USP13: variants seen among roughly 807,000 people sequenced by gnomAD.
USP13 encodes the protein ubiquitin specific peptidase 13, also known as ubiquitin carboxyl-terminal hydrolase 13.
A neutral mutation model predicts 107.8 loss-of-function variants in USP13; 68 were observed. That is an observed-to-expected ratio of 0.63 (90% CI 0.52 to 0.77). The LOEUF is 0.77. Ranked by LOEUF, USP13 falls within the 30% of genes least tolerant of loss-of-function variation. The probability of loss-of-function intolerance (pLI) is 0.00; values close to 1 mark genes in which losing one functional copy is unlikely to be tolerated. For synonymous variants in USP13, 377 were observed against 389.5 expected (o/e 0.97, Z 0.38); for missense variants, 945 against 1,093.3 (o/e 0.86, Z 1.91).
chr3:179,672,258 A>T (rs564189280), intron 1 of USP13, among the ~76,000 whole-genome samples: 3 of 152,236 alleles, frequency 2.0e-5, no homozygotes, highest in African/African-American at 7.2e-5. Flanking sequence ...TGAATAGTAC[A>T]TAGAGGGATA....
At chr3:179,657,634 C>G (rs753679329) in intron 1 of USP13, among the ~76,000 whole-genome samples, 4 of 150,922 alleles carry the variant, frequency 2.7e-5, no homozygotes, top group Non-Finnish European at 3.0e-5. Context: ...TGTGGTGGCA[C>G]GCACCTGTAG....
chr3:179,734,451 G>A (rs1022816120), intron 10 of USP13, among the ~76,000 whole-genome samples: 4 of 152,140 alleles, frequency 2.6e-5, no homozygotes, highest in African/African-American at 9.7e-5. Context: ...TGAATAAGCT[G>A]CATTTCTTAA....
At chr3:179,675,548 A>G (rs889634726) in intron 1 of USP13, among the ~76,000 whole-genome samples, 8 of 150,120 alleles carry the variant, frequency 5.3e-5, no homozygotes, top group African/African-American at 2.0e-4. Flanking sequence ...TATTATTATT[A>G]TTATTATTAT....
Position 179,687,558 on chromosome 3 carries a change from C to T in USP13, c.295-2683C>T, listed in dbSNP as rs1340332077. 2.7e-5 allele frequency among the ~76,000 whole-genome samples: 4 copies of T among 149,012 alleles called. No homozygotes were observed. The East Asian group carries it at 8.1e-4, about 30-fold the overall frequency. ...CCTGTAGTCCCAGCTACTCGGGAGGCTGGCGCAGGAGAATCGCTTGGACCT... is the reference window on the plus strand; with the variant it reads ...CCTGTAGTCCCAGCTACTCGGGAGGTTGGCGCAGGAGAATCGCTTGGACCT... On this transcript the variant is annotated intron_variant, in intron 2 of 20. Coordinates refer to ENST00000263966, the MANE Select transcript of USP13 (RefSeq NM_003940.3).
rs531551383 is a variant in USP13 at position 179,773,425 on chromosome 3, A to G, written c.2413+7577A>G. Among the ~76,000 whole-genome samples the G allele has an allele frequency of 1.3e-3, 192 of 152,338 alleles. 1 individual carries two copies. The highest frequency in any genetic ancestry group is 4.4e-3 in the African/African-American group (184 of 41,566). ...TGAGCACTCTCTGTAGACTAACTAA[A>G]TAATGCGTCATGCCCTGATGAGATA... On this transcript the variant is annotated intron_variant, in intron 19 of 20. Coordinates refer to ENST00000263966, the MANE Select transcript of USP13 (RefSeq NM_003940.3).
intron 8 of USP13, among the ~76,000 whole-genome samples, chr3:179,727,772 G>A (rs1464863770): frequency 1.3e-5 from 1 of 75,524 alleles, no homozygotes; most frequent in Non-Finnish European, 2.9e-5. Context: ...CCTCCCGGAC[G>A]GGGCGGCTGG....
At chr3:179,752,156 A>G (rs1714635144) in intron 13 of USP13, 129 bp from the exon 14 acceptor site, 1 of 729,904 alleles carries the variant, frequency 1.4e-6, no homozygotes, top group African/African-American at 1.8e-5. Context: ...CTGTGTTTGC[A>G]TGTTCCTCCT....
At chr3:179,680,960 C>G (rs1711633411) in intron 1 of USP13, among the ~76,000 whole-genome samples, 1 of 98,114 alleles carries the variant, frequency 1.0e-5, no homozygotes, top group African/African-American at 3.7e-5. Context: ...CATTCCTCAC[C>G]AATGAATGAG....
chr3:179,744,478 C>A (rs1264171361), intron 12 of USP13, among the ~76,000 whole-genome samples: 1 of 152,076 alleles, frequency 6.6e-6, no homozygotes, highest in Non-Finnish European at 1.5e-5. Context: ...TCCCCTTACA[C>A]AATGTAACAT....
intron 19 of USP13, among the ~76,000 whole-genome samples, chr3:179,779,669 G>T (rs970982718): frequency 6.7e-6 from 1 of 148,984 alleles, no homozygotes; most frequent in African/African-American, 2.5e-5. Flanking sequence ...TAGCAGAGCA[G>T]CTCCCTTGCT....
At chr3:179,701,272 A>C (rs959253783) in intron 4 of USP13, 143 bp downstream of exon 4, 10 of 1,103,186 alleles carry the variant, frequency 9.1e-6, no homozygotes, top group African/African-American at 4.7e-5. Context: ...GAGCATGAAC[A>C]CGCACATACC....
At chr3:179,676,687 AT>A (rs746102575) in intron 1 of USP13, among the ~76,000 whole-genome samples, 3 of 152,220 alleles carry the variant, frequency 2.0e-5, no homozygotes, top group Non-Finnish European at 4.4e-5. Flanking sequence ...AGCATGGATT[AT>A]TAGACTGGGG....
chr3:179,758,656 A>G lies in USP13; in HGVS notation c.1948+1578A>G, dbSNP rs757352638. Among the ~76,000 whole-genome samples the G allele has an allele frequency of 2.3e-3, 346 of 150,824 alleles. 1 individual carries two copies. Among genetic ancestry groups the G allele is most frequent in the Non-Finnish European group, 3.6e-3 (245 of 67,666 alleles). On this transcript the variant is annotated intron_variant, in intron 16 of 20. Transcript: ENST00000263966. ...TGGGACTACAGGCGCCTGCCACCAC[A>G]ACCGGCTCATTTTTTGTATTTTTAG...
At chr3:179,656,195 T>A (rs983093011) in intron 1 of USP13, among the ~76,000 whole-genome samples, 4 of 152,252 alleles carry the variant, frequency 2.6e-5, no homozygotes, top group African/African-American at 9.6e-5. Context: ...CTAATTTGCC[T>A]GTAATGTATT....
chr3:179,782,665 C>T (rs1377060557), intron 20 of USP13, among the ~76,000 whole-genome samples: 1 of 152,158 alleles, frequency 6.6e-6, no homozygotes, highest in African/African-American at 2.4e-5. Flanking sequence ...GGCCATTTCC[C>T]ACCTGGACTC....
At chr3:179,670,706 T>A (rs1310980655) in intron 1 of USP13, among the ~76,000 whole-genome samples, 2 of 152,046 alleles carry the variant, frequency 1.3e-5, no homozygotes, top group East Asian at 1.9e-4. Context: ...TTTATTTTTT[T>A]ATTTTTTTTG....
At chr3:179,700,645 A>G (rs1230244705) in intron 3 of USP13, among the ~76,000 whole-genome samples, 1 of 152,198 alleles carries the variant, frequency 6.6e-6, no homozygotes, top group Non-Finnish European at 1.5e-5. Context: ...GGAACCAGGT[A>G]CCTGACACAT....
At chr3:179,774,033 C>G (rs577266119) in intron 19 of USP13, among the ~76,000 whole-genome samples, 2 of 152,268 alleles carry the variant, frequency 1.3e-5, no homozygotes, top group Non-Finnish European at 2.9e-5. Flanking sequence ...GCTCATAGCT[C>G]TTCAGAGTAT....
Position 179,756,978 on chromosome 3 carries a change from C to G in USP13, c.1922-74C>G, listed in dbSNP as rs1027304532. 3 of 1,534,934 alleles carry G rather than the reference C, an allele frequency of 2.0e-6. No individual in the cohort carries two copies. The African/African-American group carries it at 4.1e-5, about 21-fold the overall frequency. ...GGAGGGCATTGGAAATGCCCTGGAT[C>G]AATGGGTTTTCTTTTTTCTAAAACT... On this transcript the variant is annotated intron_variant, in intron 15 of 20. Transcript: ENST00000263966.
Sources: gnomAD v4.1 joint callset for allele counts (sites outside exome capture counted in the v4.1 genomes callset) on GRCh38, gnomAD v4.1.1 for gene constraint, MANE v1.5 for transcripts, NCBI Gene and HGNC (gene_info 2026-07-23, HGNC 2026-07-21) for gene names.